Variants in COL21A1 observed in about 807,000 individuals in gnomAD.
COL21A1 encodes the protein collagen alpha-1(XXI) chain.
A neutral mutation model predicts 137.9 loss-of-function variants in COL21A1; 149 were observed. That is an observed-to-expected ratio of 1.08 (90% CI 0.95 to 1.24). The LOEUF (loss-of-function observed/expected upper bound fraction) is 1.24, where lower values mean the gene tolerates loss of function less well. Among genes scored for constraint, COL21A1 ranks in the 50% most tolerant of loss-of-function variants. The pLI, the probability that COL21A1 is intolerant of heterozygous loss-of-function variation, is 0.00. For synonymous variants in COL21A1, 456 were observed against 391.5 expected, an observed-to-expected ratio of 1.16 and a Z score of -1.95; for missense variants, 1,167 against 1,158.4, an observed-to-expected ratio of 1.01 and a Z score of -0.11.
chr6:56,386,598 TTG>T (rs201400218), intron 1 of COL21A1, among the ~76,000 whole-genome samples: 124 of 151,982 alleles, frequency 8.2e-4, no homozygotes, highest in African/African-American at 2.2e-3. Context: ...CTTGTTGTTG[TTG>T]TTTTTTTTTA....
At chr6:56,219,743 T>C (rs1012744204) in intron 1 of COL21A1, among the ~76,000 whole-genome samples, 1 of 152,096 alleles carries the variant, frequency 6.6e-6, no homozygotes, top group African/African-American at 2.4e-5. Context: ...TATTACCCAA[T>C]TAAGATAGCA....
At chr6:56,073,023 T>C (rs1766890373) in intron 20 of COL21A1, among the ~76,000 whole-genome samples, 1 of 151,342 alleles carries the variant, frequency 6.6e-6, no homozygotes, top group Non-Finnish European at 1.5e-5. Flanking sequence ...CAGCACACAT[T>C]GTTCTAAAAC....
At chr6:56,234,898 C>T (rs1314029484) in intron 1 of COL21A1, among the ~76,000 whole-genome samples, 1 of 129,352 alleles carries the variant, frequency 7.7e-6, no homozygotes. Context: ...CTGATCACTG[C>T]CCCTCATCCA....
intron 16 of COL21A1, among the ~76,000 whole-genome samples, chr6:56,113,617 T>A (rs1480520988): frequency 6.6e-6 from 1 of 152,162 alleles, no homozygotes; most frequent in Non-Finnish European, 1.5e-5. Context: ...GTTGGCTTCA[T>A]GTGAGACTCA....
At chr6:56,365,616 G>A (rs1353471052) in intron 1 of COL21A1, among the ~76,000 whole-genome samples, 1 of 152,022 alleles carries the variant, frequency 6.6e-6, no homozygotes, top group Non-Finnish European at 1.5e-5. Context: ...AAATATTCCT[G>A]TCTCAATTCT....
chr6:56,098,613 A>G (rs1167711788), intron 17 of COL21A1, among the ~76,000 whole-genome samples: 1 of 51,018 alleles, frequency 2.0e-5, no homozygotes, highest in African/African-American at 1.2e-4. Flanking sequence ...ATAAATATAT[A>G]TAAATATATA....
At chr6:56,301,092 T>TTGGC (rs1764268905) in intron 1 of COL21A1, among the ~76,000 whole-genome samples, 1 of 152,128 alleles carries the variant, frequency 6.6e-6, no homozygotes, top group Non-Finnish European at 1.5e-5. Context: ...AATGGTTTGG[T>TTGGC]AAGCAGAATA....
chr6:56,133,518 T>C (rs1038306092), intron 12 of COL21A1, among the ~76,000 whole-genome samples: 4 of 152,218 alleles, frequency 2.6e-5, no homozygotes, highest in African/African-American at 9.6e-5. Flanking sequence ...AATCCCATTT[T>C]CTGCGGAGAA....
At chr6:56,130,206 TATATAA>T (rs1314491484) in intron 12 of COL21A1, among the ~76,000 whole-genome samples, 12 of 24,900 alleles carry the variant, frequency 4.8e-4, no homozygotes, top group African/African-American at 1.4e-3. Flanking sequence ...TATATATATA[TATATAA>T]AATTTCAAAT....
chr6:56,106,480 A>G (rs1562203955), intron 16 of COL21A1, among the ~76,000 whole-genome samples: 1 of 152,182 alleles, frequency 6.6e-6, no homozygotes, highest in Non-Finnish European at 1.5e-5. Context: ...CCACATCCCC[A>G]GCAGAAAACA....
intron 1 of COL21A1, among the ~76,000 whole-genome samples, chr6:56,211,249 A>G (rs908715652): frequency 6.8e-6 from 1 of 146,192 alleles, no homozygotes; most frequent in Non-Finnish European, 1.5e-5. Flanking sequence ...ATATGTATAT[A>G]TAATGAAAGG....
At chr6:56,105,644 T>C (rs1562203141) in intron 16 of COL21A1, among the ~76,000 whole-genome samples, 1 of 152,166 alleles carries the variant, frequency 6.6e-6, no homozygotes, top group Non-Finnish European at 1.5e-5. Flanking sequence ...CATTGGTTGT[T>C]GTTATGGCCA....
At chr6:56,319,083 T>C (rs1038038008) in intron 1 of COL21A1, among the ~76,000 whole-genome samples, 1 of 152,274 alleles carries the variant, frequency 6.6e-6, no homozygotes, top group African/African-American at 2.4e-5. Context: ...CTTGACACAG[T>C]TGATCGCACC....
chr6:56,061,186 C>T, intron 25 of COL21A1, 149 bp from the exon 26 acceptor site: 1 of 680,332 alleles, frequency 1.5e-6, no homozygotes, highest in Non-Finnish European at 2.3e-6. Context: ...TTGTCATTGA[C>T]CAGAAGGGAA....
intron 1 of COL21A1, among the ~76,000 whole-genome samples, chr6:56,195,692 A>G (rs891969033): frequency 6.6e-6 from 1 of 152,148 alleles, no homozygotes; most frequent in Non-Finnish European, 1.5e-5. Context: ...GATGAAATAC[A>G]AAATCCTAAC....
In COL21A1 at chr6:56,324,493, G is replaced by A. The variant is rs115299257; in HGVS notation, c.-39+69478C>T. ...ATGACAGTCATCTCTGCCTCAACACGTTGCCTAACATCCCCCTCTGACCCT... is the reference window on the plus strand; with the variant it reads ...ATGACAGTCATCTCTGCCTCAACACATTGCCTAACATCCCCCTCTGACCCT... On this transcript the variant is annotated intron_variant, in intron 1 of 28. Transcript: ENST00000370819. 4.4e-3 allele frequency among the ~76,000 whole-genome samples: 667 copies of A among 152,058 alleles called. 7 individuals carry two copies. The highest frequency in any genetic ancestry group is 0.015 in the African/African-American group (633 of 41,478).
intron 1 of COL21A1, among the ~76,000 whole-genome samples, chr6:56,296,856 T>C (rs1278407002): frequency 6.6e-6 from 1 of 152,072 alleles, no homozygotes; most frequent in Non-Finnish European, 1.5e-5. Context: ...ATTACAGGAA[T>C]GGAAATATGC....
intron 1 of COL21A1, among the ~76,000 whole-genome samples, chr6:56,191,006 T>C (rs1166303958): frequency 6.6e-6 from 1 of 152,174 alleles, no homozygotes; most frequent in Non-Finnish European, 1.5e-5. Flanking sequence ...TCATACTGAA[T>C]AGGCAAAAAC....
Position 56,134,436 on chromosome 6 carries a change from C to T in COL21A1, c.1542+7349G>A, listed in dbSNP as rs147878594. Reference sequence around the variant, plus strand: ...TAAGTTGCTTTTGATTTTACTGGCTCATAAGTGGAAAGGACTTGCCTTGTC... The same window carrying T: ...TAAGTTGCTTTTGATTTTACTGGCTTATAAGTGGAAAGGACTTGCCTTGTC... On this transcript the variant is annotated intron_variant, in intron 12 of 29. Transcript: ENST00000244728. Among the ~76,000 whole-genome samples, 616 of 152,234 alleles carry T rather than the reference C, an allele frequency of 4.0e-3. 5 individuals are homozygous for T. Among genetic ancestry groups the T allele is most frequent in the African/African-American group, 0.014 (584 of 41,536 alleles).
Sources: gnomAD v4.1 joint callset for allele counts (sites outside exome capture counted in the v4.1 genomes callset) on GRCh38, gnomAD v4.1.1 for gene constraint, MANE v1.5 for transcripts, NCBI Gene and HGNC (gene_info 2026-07-23, HGNC 2026-07-21) for gene names.